SP140L: variants seen among roughly 807,000 people sequenced by gnomAD.
The protein encoded by SP140L is SP140 like nuclear body protein.
A neutral mutation model predicts 84.3 loss-of-function variants in SP140L; 64 were observed. That is an observed-to-expected ratio of 0.76 (90% CI 0.62 to 0.94). SP140L has a LOEUF of 0.94. Among genes scored for constraint, SP140L ranks in the 40% least tolerant of loss-of-function variants. The pLI is 0.00. For synonymous variants in SP140L, 242 were observed against 236.9 expected (o/e 1.02, Z -0.20); for missense variants, 628 against 692.5 (o/e 0.91, Z 1.05).
intron 15 of SP140L, 60 bp downstream of exon 15, chr2:230,400,302 C>A (rs1252234188): frequency 1.3e-6 from 2 of 1,514,488 alleles, no homozygotes; most frequent in African/African-American, 2.7e-5. Flanking sequence ...CTGCCATGCG[C>A]ACTCTCCAGC....
At chr2:230,381,711 TACACACAC>T (rs71052506) in intron 7 of SP140L, among the ~76,000 whole-genome samples, 36,510 of 147,044 alleles carry the variant, frequency 0.25, 4,705 homozygotes, top group Non-Finnish European at 0.28. Context: ...CCTGTCTCTC[TACACACAC>T]ACACACACAC....
chr2:230,360,236 G>T (rs1316436367), intron 4 of SP140L, among the ~76,000 whole-genome samples: 3 of 152,184 alleles, frequency 2.0e-5, no homozygotes, highest in African/African-American at 7.2e-5. Context: ...GGACAAACTG[G>T]ATTTGGCTAA....
intron 12 of SP140L, 28 bp from the exon 13 acceptor site, chr2:230,393,386 T>C: frequency 6.4e-7 from 1 of 1,574,160 alleles, no homozygotes; most frequent in Non-Finnish European, 8.6e-7. Context: ...GCAGGCTGAC[T>C]ATGTACCTTG....
At chr2:230,389,702 G>A (rs1206993137) in intron 10 of SP140L, among the ~76,000 whole-genome samples, 1 of 152,180 alleles carries the variant, frequency 6.6e-6, no homozygotes, top group African/African-American at 2.4e-5. Flanking sequence ...CTCTGATAAA[G>A]CATTCAATTT....
Position 230,359,082 on chromosome 2 carries a change from A to G in SP140L, c.389A>G (p.Asn130Ser). Residue 130 changes from asparagine to serine, a missense_variant, in exon 4 of 19, where the codon AAC (asparagine) becomes AGC (serine). Asn to Ser is a conservative substitution (Grantham distance 46). Transcript: ENST00000415673. ...TTGGAAGCACTGTTCAGCGAGGTCA[A>G]CATGCAGGAATACCCCGATTTAATT... ...SVLEALFSEVNMQEYPDLIHI... is the reference protein window; with the variant it reads ...SVLEALFSEVSMQEYPDLIHI... 2.5e-6 allele frequency: 4 copies of G among 1,612,636 alleles called. No homozygotes were observed. The highest frequency in any genetic ancestry group is 3.4e-6 in the Non-Finnish European group (4 of 1,179,704).
intron 2 of SP140L, among the ~76,000 whole-genome samples, chr2:230,351,407 G>C (rs1452758777): frequency 6.6e-6 from 1 of 151,132 alleles, no homozygotes; most frequent in Non-Finnish European, 1.5e-5. Context: ...TGCCTGTTCA[G>C]GTCCATGTTG....
chr2:230,355,656 A>G (rs11692116), intron 2 of SP140L, among the ~76,000 whole-genome samples: 24,295 of 152,234 alleles, frequency 0.16, 2,453 homozygotes, highest in South Asian at 0.23. Context: ...ACAAAATCAT[A>G]TCAGCATAAG....
chr2:230,373,113 C>T (rs1344944969), intron 7 of SP140L, among the ~76,000 whole-genome samples: 1 of 152,186 alleles, frequency 6.6e-6, no homozygotes, highest in African/African-American at 2.4e-5. Context: ...CTGAAGGTAA[C>T]ACCAGTTGGT....
intron 8 of SP140L, 23 bp from the exon 9 acceptor site, chr2:230,385,201 C>T (rs1474800603): frequency 5.0e-6 from 8 of 1,611,982 alleles, no homozygotes; most frequent in Middle Eastern, 1.7e-4. Context: ...TCTATTAATA[C>T]ATTTTCCCTT....
intron 9 of SP140L, among the ~76,000 whole-genome samples, chr2:230,387,251 A>T (rs1433990218): frequency 6.6e-6 from 1 of 152,226 alleles, no homozygotes; most frequent in Non-Finnish European, 1.5e-5. Context: ...CTACCTCCCT[A>T]TACAAGTTTA....
At position 230,392,179 on chromosome 2, in the gene SP140L, T is replaced by C. The variant is rs755395737; in HGVS notation, c.1057T>C (p.Trp353Arg). 1.2e-6 allele frequency: 2 copies of C among 1,614,072 alleles called. No individual in the cohort carries two copies. Among genetic ancestry groups the C allele is most frequent in the South Asian group, 1.1e-5 (1 of 91,084 alleles). The part of the protein sequence containing the change: ...IKGGYARSKN[W>R]RLSVRCGGWP... ...AGGAGGCTACGCAAGATCAAAGAAC[T>C]GGAGGCTGAGTGTGCGCTGTGGCGG... Residue 353 changes from tryptophan to arginine, a missense_variant, in exon 12 of 19, where the codon TGG becomes CGG. This residue lies in a region of SP140L where 525 missense variants were observed against 518.4 expected (regional missense o/e 1.01). Transcript: ENST00000415673.
At chr2:230,355,607 A>G (rs948248524) in intron 2 of SP140L, among the ~76,000 whole-genome samples, 3 of 152,216 alleles carry the variant, frequency 2.0e-5, no homozygotes, top group African/African-American at 7.2e-5. Flanking sequence ...AATCTTTTCT[A>G]ATTGACTTCA....
At chr2:230,336,942 G>C (rs895172943) in intron 2 of SP140L, among the ~76,000 whole-genome samples, 8 of 152,012 alleles carry the variant, frequency 5.3e-5, no homozygotes, top group Admixed American at 2.6e-4. Context: ...CTTTTATTTT[G>C]CATTTGCCTG....
intron 9 of SP140L, among the ~76,000 whole-genome samples, chr2:230,387,261 A>C (rs1213481754): frequency 6.6e-6 from 1 of 152,220 alleles, no homozygotes; most frequent in African/African-American, 2.4e-5. Flanking sequence ...ATACAAGTTT[A>C]TTAAACTCTT....
Position 230,359,017 on chromosome 2 carries a change from TG to T in SP140L, c.325del (p.Val109PhefsTer29). ...TCCCTGTACAAAGAGTGGTGTACAA[TG>T]TTCTCAGTGAACTGGAGAAGACATT... ...LVPVQRVVYN[V>X]LSELEKTFNL... is the part of the protein sequence containing the mutation. On this transcript the variant is annotated frameshift_variant, in exon 4 of 19. Transcript: ENST00000415673. LOFTEE classifies it high-confidence loss of function. 1 of 1,613,536 alleles carries T rather than the reference TG, an allele frequency of 6.2e-7. No homozygotes were observed. The highest frequency in any genetic ancestry group is 8.5e-7 in the Non-Finnish European group (1 of 1,179,756).
At chr2:230,360,938 T>C (rs2060695359) in intron 4 of SP140L, among the ~76,000 whole-genome samples, 1 of 152,166 alleles carries the variant, frequency 6.6e-6, no homozygotes, top group South Asian at 2.1e-4. Flanking sequence ...GTTTTCTCTT[T>C]TAGTTTTTAT....
At chr2:230,362,533 G>A (rs1316193986) in intron 5 of SP140L, among the ~76,000 whole-genome samples, 1 of 151,950 alleles carries the variant, frequency 6.6e-6, no homozygotes, top group Non-Finnish European at 1.5e-5. Context: ...GAGAGAGAGA[G>A]AGAAGGAAGG....
chr2:230,360,002 T>G (rs2060666978), intron 4 of SP140L, among the ~76,000 whole-genome samples: 1 of 128,668 alleles, frequency 7.8e-6, no homozygotes. Context: ...ATTCTTGACT[T>G]TTTTCCTGAG....
At chr2:230,348,262 C>T (rs539271438) in intron 2 of SP140L, among the ~76,000 whole-genome samples, 3 of 152,110 alleles carry the variant, frequency 2.0e-5, no homozygotes, top group Admixed American at 6.6e-5. Context: ...GACTTGCATG[C>T]GAATATAGTA....
Sources: allele counts gnomAD v4.1 joint callset (sites outside exome capture counted in the v4.1 genomes callset), GRCh38; gene constraint gnomAD v4.1.1; regional missense constraint gnomAD v4.1.1; transcripts MANE v1.5; gene names NCBI Gene and HGNC (gene_info 2026-07-23, HGNC 2026-07-21).